Variants in PRKN observed in about 807,000 individuals in gnomAD.
PRKN encodes the protein E3 ubiquitin-protein ligase parkin.
In PRKN, 56 loss-of-function variants were observed where a neutral mutation model predicts 59.5. The ratio of observed to expected loss-of-function variants is 0.94; its 90% confidence interval spans 0.76 to 1.18. The LOEUF (loss-of-function observed/expected upper bound fraction) is 1.18, where lower values mean the gene tolerates loss of function less well. PRKN is among the 50% of genes most tolerant of loss of function. The pLI is 0.00. For synonymous variants in PRKN, 250 were observed against 222.1 expected, an observed-to-expected ratio of 1.13 and a Z score of -1.12; for missense variants, 657 against 596.4, an observed-to-expected ratio of 1.10 and a Z score of -1.06.
chr6:162,667,481 A>T (rs1779144869), intron 1 of PRKN, among the ~76,000 whole-genome samples: 1 of 152,144 alleles, frequency 6.6e-6, no homozygotes, highest in African/African-American at 2.4e-5. Context: ...TATCACTTTG[A>T]AAGTCTGTCA....
intron 6 of PRKN, among the ~76,000 whole-genome samples, chr6:161,908,120 A>G (rs1160900264): frequency 6.6e-6 from 1 of 152,138 alleles, no homozygotes; most frequent in Non-Finnish European, 1.5e-5. Flanking sequence ...AACAAAGAAC[A>G]TAAGGAATTT....
intron 10 of PRKN, among the ~76,000 whole-genome samples, chr6:161,383,133 C>T (rs565219841): frequency 1.3e-5 from 2 of 152,322 alleles, no homozygotes; most frequent in African/African-American, 4.8e-5. Context: ...GTCATCCTTT[C>T]AAAGATTTCA....
In PRKN at chr6:162,187,903, T is replaced by G. The variant is rs192615077; in HGVS notation, c.534+13228A>C. On this transcript the variant is annotated intron_variant, in intron 4 of 11. Coordinates refer to ENST00000366898, the MANE Select transcript of PRKN (RefSeq NM_004562.3). ...GTCTTGGACATTAATATGGTTTGGC[T>G]GTGTCCCCACCCAAATCTCATCTTA... Among the ~76,000 whole-genome samples the G allele has an allele frequency of 3.3e-3, 501 of 152,266 alleles. 1 individual carries two copies. The highest frequency in any genetic ancestry group is 5.0e-3 in the Non-Finnish European group (339 of 68,016).
At position 161,429,720 on chromosome 6, in the gene PRKN, G is replaced by C. The variant is rs1788555935; in HGVS notation, c.1084-42843C>G. On this transcript the variant is annotated intron_variant, in intron 9 of 11. Coordinates refer to ENST00000366898, the MANE Select transcript of PRKN (RefSeq NM_004562.3). This position sits in a 1 kb window ranked among gnomAD's most constrained non-coding sequence, Gnocchi z 4.2. ...GTGTGTGGGAGGAGGGTGAGTTTCAGAGTCATTAATGGGCCTTTTCTTCAG... is the reference window on the plus strand; with the variant it reads ...GTGTGTGGGAGGAGGGTGAGTTTCACAGTCATTAATGGGCCTTTTCTTCAG... 6.6e-6 allele frequency among the ~76,000 whole-genome samples: 1 copy of C among 152,136 alleles called. No homozygotes were observed. Among genetic ancestry groups the C allele is most frequent in the South Asian group, 2.1e-4 (1 of 4,820 alleles).
chr6:161,772,513 A>G (rs1309374598), intron 7 of PRKN, among the ~76,000 whole-genome samples: 1 of 152,158 alleles, frequency 6.6e-6, no homozygotes, highest in Non-Finnish European at 1.5e-5. Context: ...CAAAACACCA[A>G]ATCTGAAGCA....
At chr6:162,100,454 CTTT>C (rs377594454) in intron 4 of PRKN, among the ~76,000 whole-genome samples, 5 of 143,884 alleles carry the variant, frequency 3.5e-5, no homozygotes, top group East Asian at 2.0e-4. Flanking sequence ...TCTTTCTTGT[CTTT>C]TTTTTTTTTT....
intron 2 of PRKN, among the ~76,000 whole-genome samples, chr6:162,413,451 T>A (rs2128155700): frequency 6.6e-6 from 1 of 152,160 alleles, no homozygotes; most frequent in East Asian, 1.9e-4. Flanking sequence ...TAGAAAAAAG[T>A]TAATAAGCTG....
chr6:162,718,110 T>G (rs1372597582), intron 1 of PRKN, among the ~76,000 whole-genome samples: 1 of 152,182 alleles, frequency 6.6e-6, no homozygotes, highest in Admixed American at 6.5e-5. Flanking sequence ...TTAACACTTT[T>G]TAAAAAAGAT....
intron 1 of PRKN, among the ~76,000 whole-genome samples, chr6:162,670,548 G>T (rs1779280996): frequency 6.6e-6 from 1 of 152,138 alleles, no homozygotes; most frequent in Non-Finnish European, 1.5e-5. Context: ...GCTACTGATT[G>T]TATTGGCTTT....
intron 1 of PRKN, among the ~76,000 whole-genome samples, chr6:162,674,016 A>G (rs963105236): frequency 6.6e-6 from 1 of 152,138 alleles, no homozygotes; most frequent in African/African-American, 2.4e-5. Flanking sequence ...GAGCATCACC[A>G]TAGGGTTCTG....
At chr6:161,387,364 C>A (rs1786306930) in intron 9 of PRKN, among the ~76,000 whole-genome samples, 1 of 152,230 alleles carries the variant, frequency 6.6e-6, no homozygotes, top group Non-Finnish European at 1.5e-5. Flanking sequence ...CTCCTTCCTG[C>A]CACCATGTGA....
Position 161,550,696 on chromosome 6 carries a change from G to A in PRKN, c.934-1693C>T, listed in dbSNP as rs916464231. ...GAGAAGACAGGAGGCGGGTAGGGGT[G>A]GGGACAACTGTGGTAGAAGAAAGGG... On this transcript the variant is annotated intron_variant, in intron 8 of 11. Transcript: ENST00000366898. This position sits in a 1 kb window ranked among gnomAD's most constrained non-coding sequence, Gnocchi z 4.0. Among the ~76,000 whole-genome samples, 3 of 151,650 alleles carry A rather than the reference G, an allele frequency of 2.0e-5. No individual in the cohort carries two copies. Among genetic ancestry groups the A allele is most frequent in the African/African-American group, 7.3e-5 (3 of 41,298 alleles).
At chr6:161,719,870 G>A (rs770363254) in intron 7 of PRKN, among the ~76,000 whole-genome samples, 2 of 152,212 alleles carry the variant, frequency 1.3e-5, no homozygotes, top group South Asian at 2.1e-4. Flanking sequence ...GGCCTCAAGC[G>A]ATCCTCCAGC....
intron 1 of PRKN, among the ~76,000 whole-genome samples, chr6:162,488,813 T>A (rs564066563): frequency 6.6e-6 from 1 of 152,224 alleles, no homozygotes; most frequent in South Asian, 2.1e-4. Flanking sequence ...GCATTAGGAA[T>A]CCATAGTCAA....
At chr6:162,500,193 G>A (rs1793300041) in intron 1 of PRKN, among the ~76,000 whole-genome samples, 1 of 139,546 alleles carries the variant, frequency 7.2e-6, no homozygotes, top group Non-Finnish European at 1.5e-5. Context: ...TTTTTTTGGT[G>A]ACAGAGTTTC....
chr6:162,645,839 G>A (rs930460467), intron 1 of PRKN, among the ~76,000 whole-genome samples: 2 of 147,126 alleles, frequency 1.4e-5, no homozygotes, highest in Non-Finnish European at 3.0e-5. Flanking sequence ...GACAAATTCT[G>A]ACCCTGAGCC....
At chr6:161,736,875 G>A (rs762832135) in intron 7 of PRKN, among the ~76,000 whole-genome samples, 210 of 152,316 alleles carry the variant, frequency 1.4e-3, no homozygotes, top group Non-Finnish European at 2.6e-3. Flanking sequence ...CCAAATTTGT[G>A]TTTTGTCTGA....
chr6:162,468,238 T>A (rs1791534228), intron 1 of PRKN, among the ~76,000 whole-genome samples: 1 of 152,230 alleles, frequency 6.6e-6, no homozygotes, highest in Non-Finnish European at 1.5e-5. Flanking sequence ...GCATCCCTCG[T>A]CTCACTAATT....
intron 5 of PRKN, among the ~76,000 whole-genome samples, chr6:162,005,772 T>C (rs1003901229): frequency 2.6e-5 from 4 of 152,092 alleles, no homozygotes; most frequent in African/African-American, 9.7e-5. Context: ...ATCTAACCTT[T>C]TTTGGGGGGA....
Sources: gnomAD v4.1 joint callset for allele counts (sites outside exome capture counted in the v4.1 genomes callset) on GRCh38, gnomAD v4.1.1 for gene constraint, Gnocchi (gnomAD v3.1) non-coding constraint, MANE v1.5 for transcripts, NCBI Gene and HGNC (gene_info 2026-07-23, HGNC 2026-07-21) for gene names.